The following SMOX variants were observed in gnomAD, a reference collection of about 807,000 sequenced individuals.
The protein encoded by SMOX is flavin containing amine oxidase.
Under a neutral mutation model 51.0 loss-of-function variants are expected in SMOX, and 22 were observed. The ratio of observed to expected loss-of-function variants is 0.43; its 90% CI spans 0.31 to 0.62. The LOEUF is 0.62. Ranked by LOEUF, SMOX falls within the 20% of genes least tolerant of loss-of-function variation. The pLI, the probability that SMOX is intolerant of heterozygous loss-of-function variation, is 0.10. For synonymous variants in SMOX, 282 were observed against 307.8 expected (o/e 0.92, Z 0.88); for missense variants, 566 against 777.7 (o/e 0.73, Z 3.24).
chr20:4,163,335 G>A (rs1986420529), intron 1 of SMOX, among the ~76,000 whole-genome samples: 1 of 152,194 alleles, frequency 6.6e-6, no homozygotes, highest in Non-Finnish European at 1.5e-5. Context: ...CTGTCTCTTG[G>A]GCCTTATAAG....
rs1179500759 is a variant in SMOX at position 4,153,330 on chromosome 20, G to A, written c.-27+4353G>A. On this transcript the variant is annotated intron_variant, in intron 1 of 6. Coordinates refer to ENST00000305958, the MANE Select transcript of SMOX (RefSeq NM_175839.3). This position sits in a 1 kb window ranked among gnomAD's most constrained non-coding sequence, Gnocchi z 4.4. ...ATCTGCCTGTAAAATGGGATTAGAG[G>A]GACTTTTTTTCTTTGCTCCCTGGAG... Among the ~76,000 whole-genome samples the A allele has an allele frequency of 6.6e-6, 1 of 151,876 alleles. No homozygotes were observed. Among genetic ancestry groups the A allele is most frequent in the Non-Finnish European group, 1.5e-5 (1 of 68,002 alleles).
chr20:4,177,912 T>C lies in SMOX; in HGVS notation c.435+335T>C, dbSNP rs187213294. 1.1e-3 allele frequency among the ~76,000 whole-genome samples: 166 copies of C among 152,336 alleles called. 1 individual carries two copies. The highest frequency in any genetic ancestry group is 1.8e-3 in the Non-Finnish European group (125 of 68,022). ...AGTCATTAGACCAGCATTTATCCAA[T>C]AGAACTTTCCACAGTGATGGTGATG... On this transcript the variant is annotated intron_variant, in intron 3 of 6. Transcript: ENST00000305958. This position sits in a 1 kb window ranked among gnomAD's most constrained non-coding sequence, Gnocchi z 4.3.
chr20:4,184,513 C>G (rs1252704744), intron 6 of SMOX, among the ~76,000 whole-genome samples: 1 of 141,546 alleles, frequency 7.1e-6, no homozygotes, highest in East Asian at 2.1e-4. Flanking sequence ...AAAAAAAAAT[C>G]TGAAATATAT....
At chr20:4,165,400 A>G (rs563228420) in intron 1 of SMOX, among the ~76,000 whole-genome samples, 58 of 152,116 alleles carry the variant, frequency 3.8e-4, no homozygotes, top group African/African-American at 1.4e-3. Flanking sequence ...GGGTCTTGCT[A>G]TGTTGCCCAG....
intron 6 of SMOX, among the ~76,000 whole-genome samples, chr20:4,186,262 C>A (rs1979724949): frequency 6.6e-6 from 1 of 152,200 alleles, no homozygotes; most frequent in Non-Finnish European, 1.5e-5. Flanking sequence ...GAGCTGTGAT[C>A]ATGTTACTGC....
intron 3 of SMOX, among the ~76,000 whole-genome samples, chr20:4,178,682 TTCTTTC>T (rs1979076309): frequency 2.1e-5 from 2 of 93,936 alleles, no homozygotes; most frequent in African/African-American, 1.1e-4. Context: ...CTTTCTTTCT[TTCTTTC>T]TTTTTTTTTT....
At position 4,149,518 on chromosome 20, in the gene SMOX, G is replaced by A. The variant is rs1259748982; in HGVS notation, c.-27+541G>A. ...TCCGGGCGTCCGGGTGGTCCCCTTG[G>A]GGCCCCGGGCAGGGTGAGGAGCAGC... On this transcript the variant is annotated intron_variant, in intron 1 of 6. Coordinates refer to ENST00000305958, the MANE Select transcript of SMOX (RefSeq NM_175839.3). The surrounding 1 kb of genome is among the most constrained non-coding windows in gnomAD (Gnocchi z 6.0). Among the ~76,000 whole-genome samples the A allele has an allele frequency of 6.6e-6, 1 of 151,804 alleles. No homozygotes were observed. The highest frequency in any genetic ancestry group is 1.5e-5 in the Non-Finnish European group (1 of 67,908).
chr20:4,183,121 T>C lies in SMOX; in HGVS notation c.1369+273T>C. 1.7e-6 allele frequency: 1 copy of C among 588,246 alleles called. No individual in the cohort carries two copies. Among genetic ancestry groups the C allele is most frequent in the Non-Finnish European group, 3.0e-6 (1 of 335,572 alleles). 36.4% of individuals were successfully genotyped at this position (588,246 alleles called of 1,614,324 possible). A position where few individuals can be genotyped will look rare whatever the true frequency, so the allele number is the denominator to read the frequency against. ...ACTCAGAGATCACCGCCCATTGTGC[T>C]CTGTTGCTAAGAGCTGGATTTGCCT... On this transcript the variant is annotated intron_variant, in intron 5 of 6. Transcript: ENST00000305958. This position sits in a 1 kb window ranked among gnomAD's most constrained non-coding sequence, Gnocchi z 4.3.
chr20:4,177,200 A>G lies in SMOX; in HGVS notation c.209-151A>G. On this transcript the variant is annotated intron_variant, in intron 2 of 6. Coordinates refer to ENST00000305958, the MANE Select transcript of SMOX (RefSeq NM_175839.3). This position sits in a 1 kb window ranked among gnomAD's most constrained non-coding sequence, Gnocchi z 4.3. ...TTTCAGTGGGAACTTTTCACTGAGGACCTTCGTTGGTTGCCAGCAGTGGAA... is the reference window on the plus strand; with the variant it reads ...TTTCAGTGGGAACTTTTCACTGAGGGCCTTCGTTGGTTGCCAGCAGTGGAA... The G allele has an allele frequency of 1.5e-6, 1 of 670,798 alleles. No homozygotes were observed. The highest frequency in any genetic ancestry group is 2.5e-6 in the Non-Finnish European group (1 of 395,344). The allele number at this position is 670,798 out of a possible 1,614,324, so 41.6% of individuals were successfully genotyped here.
intron 1 of SMOX, among the ~76,000 whole-genome samples, chr20:4,173,151 T>C (rs1052765298): frequency 6.6e-6 from 1 of 152,218 alleles, no homozygotes; most frequent in Non-Finnish European, 1.5e-5. Flanking sequence ...CGAATCTTCA[T>C]ACGTGCACTG....
At chr20:4,186,758 A>G (rs746703821) in intron 6 of SMOX, 2 of 780,864 alleles carry the variant, frequency 2.6e-6, no homozygotes, top group South Asian at 1.3e-5. Context: ...AAGCTCCACA[A>G]AGCAGCAGCC....
chr20:4,164,169 GCT>G (rs774611358), intron 1 of SMOX, among the ~76,000 whole-genome samples: 2 of 152,106 alleles, frequency 1.3e-5, no homozygotes, highest in Non-Finnish European at 2.9e-5. Context: ...GGGTAGGGTG[GCT>G]CTCTCTGAGG....
At position 4,183,487 on chromosome 20, in the gene SMOX, C is replaced by A. The variant is rs370958702; in HGVS notation, c.1370-7C>A. 1.7e-5 allele frequency: 28 copies of A among 1,614,192 alleles called. No individual in the cohort carries two copies. Among genetic ancestry groups the A allele is most frequent in the Non-Finnish European group, 2.2e-5 (26 of 1,180,038 alleles). ...CCCTCCTCTTGGCTTTTCTGACTCTCCATCAGGGAACCCCAACATTCCAAA... is the reference window on the plus strand; with the variant it reads ...CCCTCCTCTTGGCTTTTCTGACTCTACATCAGGGAACCCCAACATTCCAAA... On this transcript the variant is annotated splice_region_variant and splice_polypyrimidine_tract_variant and intron_variant, in intron 5 of 6. Coordinates refer to ENST00000305958, the MANE Select transcript of SMOX (RefSeq NM_175839.3). This position sits in a 1 kb window ranked among gnomAD's most constrained non-coding sequence, Gnocchi z 4.3.
At chr20:4,174,943 G>T in intron 1 of SMOX, 87 bp from the exon 2 acceptor site, 1 of 1,338,942 alleles carries the variant, frequency 7.5e-7, no homozygotes. Flanking sequence ...ACAGAGGGCA[G>T]AGTGTGATGA....
intron 1 of SMOX, among the ~76,000 whole-genome samples, chr20:4,171,169 C>T (rs368802334): frequency 1.3e-5 from 2 of 152,150 alleles, no homozygotes; most frequent in African/African-American, 2.4e-5. Context: ...GATCAAGGAG[C>T]GGATGTTATT....
intron 1 of SMOX, chr20:4,171,690 G>A (rs2122510614): frequency 6.6e-6 from 1 of 152,414 alleles, no homozygotes. Flanking sequence ...TCTGAGACCA[G>A]GTGCAGGGAG....
intron 1 of SMOX, among the ~76,000 whole-genome samples, chr20:4,168,792 A>G (rs1986689747): frequency 6.6e-6 from 1 of 151,806 alleles, no homozygotes; most frequent in Non-Finnish European, 1.5e-5. Flanking sequence ...CCTGGCCTCA[A>G]GTGATCCGCC....
In SMOX at chr20:4,177,068, A is replaced by G. The variant is rs1760704692; in HGVS notation, c.209-283A>G. 6.6e-6 allele frequency among the ~76,000 whole-genome samples: 1 copy of G among 152,172 alleles called. No homozygotes were observed. Among genetic ancestry groups the G allele is most frequent in the South Asian group, 2.1e-4 (1 of 4,830 alleles). On this transcript the variant is annotated intron_variant, in intron 2 of 6. Transcript: ENST00000305958. The surrounding 1 kb of genome is among the most constrained non-coding windows in gnomAD (Gnocchi z 4.3). ...GTCTGATATCTGGTGTTACCTGAGA[A>G]AAAGGTGGGACGGAAAAAGAAGAGC...
At position 4,187,537 on chromosome 20, in the gene SMOX, C is replaced by T. The variant is rs1979839059; in HGVS notation, c.*130C>T. 4.9e-5 allele frequency: 67 copies of T among 1,371,054 alleles called. No individual in the cohort carries two copies. The highest frequency in any genetic ancestry group is 6.4e-5 in the Non-Finnish European group (65 of 1,013,234). 84.9% of individuals were successfully genotyped at this position (1,371,054 alleles called of 1,614,324 possible). A position where few individuals can be genotyped will look rare whatever the true frequency, so the allele number is the denominator to read the frequency against. ...TCTTCTGTAGAGCTAGCCGCCCTGA[C>T]TGCCTTCAGACCTGGCCCTGTAGCT... On this transcript the variant is annotated 3_prime_UTR_variant, in exon 7 of 7. Transcript: ENST00000305958. This position sits in a 1 kb window ranked among gnomAD's most constrained non-coding sequence, Gnocchi z 4.8.
Sources: allele counts gnomAD v4.1 joint callset (sites outside exome capture counted in the v4.1 genomes callset), GRCh38; gene constraint gnomAD v4.1.1; non-coding constraint Gnocchi (gnomAD v3.1); transcripts MANE v1.5; gene names NCBI Gene and HGNC (gene_info 2026-07-23, HGNC 2026-07-21).